CA8: variants seen among roughly 807,000 people sequenced by gnomAD.
CA8 encodes the protein carbonic anhydrase 8 (inactive), also known as carbonic anhydrase-related protein.
In CA8, 22 loss-of-function variants were observed where a neutral mutation model predicts 41.4. The ratio of observed to expected loss-of-function variants is 0.53; its 90% confidence interval spans 0.38 to 0.76. CA8 has a LOEUF of 0.76. Ranked by LOEUF, CA8 falls within the 30% of genes least tolerant of loss-of-function variation. The pLI is 0.00. For synonymous variants in CA8, 121 were observed against 130.6 expected, an observed-to-expected ratio of 0.93 and a Z score of 0.50; for missense variants, 270 against 352.8, an observed-to-expected ratio of 0.77 and a Z score of 1.88.
In CA8 at chr8:60,186,856, G is replaced by C. The variant is rs1353363888; in HGVS notation, c.*3165C>G. ...AAATGAATGTAGAAAAAAACTGACAGAATTGAAGGAAGAGATTATTCAACA... is the reference window on the plus strand; with the variant it reads ...AAATGAATGTAGAAAAAAACTGACACAATTGAAGGAAGAGATTATTCAACA... On this transcript the variant is annotated 3_prime_UTR_variant, in exon 9 of 9. Transcript: ENST00000317995. Among the ~76,000 whole-genome samples the C allele has an allele frequency of 1.3e-5, 2 of 152,006 alleles. No individual in the cohort carries two copies. Among genetic ancestry groups the C allele is most frequent in the East Asian group, 3.8e-4 (2 of 5,200 alleles).
At chr8:60,246,075 T>C (rs1221183531) in intron 3 of CA8, among the ~76,000 whole-genome samples, 2 of 152,130 alleles carry the variant, frequency 1.3e-5, no homozygotes. Flanking sequence ...AACCTCTTTC[T>C]CCAGGACTGA....
intron 3 of CA8, among the ~76,000 whole-genome samples, chr8:60,235,328 A>C (rs895841793): frequency 3.4e-4 from 51 of 152,138 alleles, no homozygotes; most frequent in African/African-American, 1.2e-3. Flanking sequence ...TTATAAGGAC[A>C]CCAGGCACAG....
chr8:60,249,040 T>C (rs550871689), intron 3 of CA8, among the ~76,000 whole-genome samples: 2 of 152,326 alleles, frequency 1.3e-5, no homozygotes, highest in East Asian at 3.9e-4. Context: ...TGGGAGTTTA[T>C]TCAAGATTTG....
At chr8:60,222,349 T>C (rs1807280077) in intron 7 of CA8, among the ~76,000 whole-genome samples, 1 of 152,142 alleles carries the variant, frequency 6.6e-6, no homozygotes, top group Admixed American at 6.5e-5. Context: ...GACTTTCCAT[T>C]CTCCACACCT....
At chr8:60,260,893 G>A (rs941079924) in intron 3 of CA8, among the ~76,000 whole-genome samples, 1 of 152,164 alleles carries the variant, frequency 6.6e-6, no homozygotes, top group Non-Finnish European at 1.5e-5. Context: ...TAAATAACTT[G>A]AAAGGTTATA....
chr8:60,217,255 C>T (rs1483444731), intron 7 of CA8, among the ~76,000 whole-genome samples: 2 of 152,216 alleles, frequency 1.3e-5, no homozygotes, highest in Non-Finnish European at 2.9e-5. Flanking sequence ...TAATGCTGAA[C>T]AAATGTGACC....
At chr8:60,273,800 T>C (rs1338520958) in intron 2 of CA8, among the ~76,000 whole-genome samples, 1 of 152,248 alleles carries the variant, frequency 6.6e-6, no homozygotes, top group Non-Finnish European at 1.5e-5. Flanking sequence ...AGTTCATCAG[T>C]GACCTTGGCT....
intron 2 of CA8, among the ~76,000 whole-genome samples, chr8:60,272,991 T>G (rs908761687): frequency 6.6e-6 from 1 of 152,228 alleles, no homozygotes; most frequent in Non-Finnish European, 1.5e-5. Context: ...CCTACTGTCT[T>G]GTCTATTGAC....
chr8:60,264,582 G>A (rs907080591), intron 3 of CA8, among the ~76,000 whole-genome samples: 86 of 152,316 alleles, frequency 5.6e-4, no homozygotes, highest in African/African-American at 2.0e-3. Flanking sequence ...GAAAGGAGAG[G>A]ATGTCTATAG....
At chr8:60,247,211 T>C (rs1808277882) in intron 3 of CA8, among the ~76,000 whole-genome samples, 1 of 152,178 alleles carries the variant, frequency 6.6e-6, no homozygotes, top group Admixed American at 6.5e-5. Context: ...GACCACTTCA[T>C]GGCATATTTT....
chr8:60,207,489 C>T (rs1018379664), intron 8 of CA8, among the ~76,000 whole-genome samples: 2 of 152,216 alleles, frequency 1.3e-5, no homozygotes, highest in African/African-American at 4.8e-5. Flanking sequence ...CAACTCAACT[C>T]TTTATCTTCA....
At chr8:60,280,911 G>A (rs1473964099) in intron 1 of CA8, 137 bp downstream of exon 1, 1 of 703,840 alleles carries the variant, frequency 1.4e-6, no homozygotes, top group East Asian at 2.7e-5. Flanking sequence ...GAGTGGGAAA[G>A]TGGCAGAGAC....
At chr8:60,205,962 A>G (rs1295080039) in intron 8 of CA8, among the ~76,000 whole-genome samples, 1 of 152,238 alleles carries the variant, frequency 6.6e-6, no homozygotes, top group Non-Finnish European at 1.5e-5. Context: ...CTTTAATAAA[A>G]ATTTGAATTA....
At chr8:60,236,280 C>A (rs1436701330) in intron 3 of CA8, among the ~76,000 whole-genome samples, 1 of 152,176 alleles carries the variant, frequency 6.6e-6, no homozygotes, top group Non-Finnish European at 1.5e-5. Flanking sequence ...GCGTTTCCAG[C>A]CTTGAAACTC....
At chr8:60,229,160 G>GT (rs11461598) in intron 4 of CA8, among the ~76,000 whole-genome samples, 75,423 of 149,326 alleles carry the variant, frequency 0.51, 19,167 homozygotes, top group African/African-American at 0.57. Context: ...TGAACCACCT[G>GT]TTTTTTTTTT....
At chr8:60,274,396 G>A (rs148456109) in intron 2 of CA8, among the ~76,000 whole-genome samples, 40 of 152,264 alleles carry the variant, frequency 2.6e-4, no homozygotes, top group South Asian at 8.3e-4. Flanking sequence ...GGTAGTGAGT[G>A]ATTCAGCAAA....
At chr8:60,255,326 C>T (rs1195024250) in intron 3 of CA8, among the ~76,000 whole-genome samples, 26 of 144,536 alleles carry the variant, frequency 1.8e-4, no homozygotes, top group Admixed American at 1.8e-3. Flanking sequence ...TCTCCAGTAT[C>T]GTTCTGGCCA....
intron 4 of CA8, among the ~76,000 whole-genome samples, chr8:60,231,934 A>T (rs921843251): frequency 6.6e-6 from 1 of 152,120 alleles, no homozygotes; most frequent in Non-Finnish European, 1.5e-5. Context: ...TATTATTGTT[A>T]TTGATTTTTT....
intron 3 of CA8, among the ~76,000 whole-genome samples, chr8:60,240,062 A>C (rs1248386276): frequency 6.6e-6 from 1 of 152,196 alleles, no homozygotes; most frequent in East Asian, 1.9e-4. Flanking sequence ...CCAAAGACTG[A>C]GCTTTGGAAA....
Sources: allele counts gnomAD v4.1 joint callset (sites outside exome capture counted in the v4.1 genomes callset), GRCh38; gene constraint gnomAD v4.1.1; transcripts MANE v1.5; gene names NCBI Gene and HGNC (gene_info 2026-07-23, HGNC 2026-07-21).